AHCTF1: variants seen among roughly 807,000 people sequenced by gnomAD.
AHCTF1 encodes AT-hook containing transcription factor 1, also known as protein ELYS.
Under a neutral mutation model 248.4 loss-of-function variants are expected in AHCTF1, and 24 were observed. That is an observed-to-expected ratio of 0.10 (90% CI 0.07 to 0.14). The LOEUF is 0.14. Ranked by LOEUF, AHCTF1 falls within the 10% of genes least tolerant of loss-of-function variation. The probability of loss-of-function intolerance (pLI) is 1.00; values close to 1 mark genes in which losing one functional copy is unlikely to be tolerated. For missense variants in AHCTF1, 2,206 were observed against 2,636.2 expected (o/e 0.84, Z 3.57); for synonymous variants, 786 against 929.8 (o/e 0.85, Z 2.81).
chr1:246,891,945 G>A (rs147455910), intron 14 of AHCTF1, 26 bp from the exon 15 acceptor site: 3 of 1,563,504 alleles, frequency 1.9e-6, no homozygotes, highest in Non-Finnish European at 2.6e-6. Context: ...GAAAAGATAA[G>A]TTTCCATACA....
chr1:246,877,392 T>C (rs1663053180), intron 21 of AHCTF1, 90 bp from the exon 22 acceptor site: 1 of 1,335,300 alleles, frequency 7.5e-7, no homozygotes, highest in Non-Finnish European at 1.0e-6. Context: ...TCAAAGATAC[T>C]TTGTAAAGTA....
intron 27 of AHCTF1, among the ~76,000 whole-genome samples, chr1:246,862,650 C>T (rs1661654736): frequency 6.6e-6 from 1 of 152,098 alleles, no homozygotes; most frequent in Admixed American, 6.5e-5. Context: ...GTCTACGAAA[C>T]ATAAAACTGC....
At chr1:246,868,670 C>T (rs4971287) in intron 24 of AHCTF1, among the ~76,000 whole-genome samples, 34,223 of 150,512 alleles carry the variant, frequency 0.23, 4,954 homozygotes, top group South Asian at 0.44. Context: ...CATGTGCCTT[C>T]AACTGAAATA....
At chr1:246,925,263 A>C (rs1019219542) in intron 1 of AHCTF1, among the ~76,000 whole-genome samples, 7 of 152,218 alleles carry the variant, frequency 4.6e-5, no homozygotes, top group Non-Finnish European at 7.3e-5. Flanking sequence ...CCTATACTTC[A>C]ATCAAAATCA....
At chr1:246,884,112 CTT>C (rs1186250811) in intron 21 of AHCTF1, among the ~76,000 whole-genome samples, 3 of 152,146 alleles carry the variant, frequency 2.0e-5, no homozygotes, top group Admixed American at 2.0e-4. Flanking sequence ...TACTAGAACT[CTT>C]AACCCATTTA....
At chr1:246,880,183 A>G (rs1463077884) in intron 21 of AHCTF1, among the ~76,000 whole-genome samples, 1 of 151,778 alleles carries the variant, frequency 6.6e-6, no homozygotes, top group Non-Finnish European at 1.5e-5. Flanking sequence ...TAAACACTGA[A>G]GCATGTAAAT....
chr1:246,868,985 CA>C (rs1662297746), intron 24 of AHCTF1, among the ~76,000 whole-genome samples: 1 of 143,002 alleles, frequency 7.0e-6, no homozygotes, highest in Admixed American at 6.9e-5. Context: ...GCTGGGACTA[CA>C]GGCGCCCGCC....
At chr1:246,874,345 C>T (rs566122356) in intron 24 of AHCTF1, among the ~76,000 whole-genome samples, 2 of 152,280 alleles carry the variant, frequency 1.3e-5, no homozygotes, top group Non-Finnish European at 2.9e-5. Context: ...CCCTCTGAGG[C>T]ATGTATTCCT....
intron 14 of AHCTF1, among the ~76,000 whole-genome samples, chr1:246,893,319 T>C (rs1664347963): frequency 6.6e-6 from 1 of 152,236 alleles, no homozygotes; most frequent in Non-Finnish European, 1.5e-5. Flanking sequence ...GAAAGCGCCA[T>C]GTCTTCCTAA....
chr1:246,898,715 T>C (rs1387967974), intron 11 of AHCTF1, among the ~76,000 whole-genome samples: 1 of 152,034 alleles, frequency 6.6e-6, no homozygotes, highest in Admixed American at 6.6e-5. Context: ...AGAGATTTGA[T>C]ATTAAGTATA....
At chr1:246,917,026 G>A (rs1179350835) in intron 2 of AHCTF1, among the ~76,000 whole-genome samples, 2 of 152,172 alleles carry the variant, frequency 1.3e-5, no homozygotes, top group Non-Finnish European at 2.9e-5. Flanking sequence ...ATTTTACCCT[G>A]CCTGCAATGT....
At position 246,918,347 on chromosome 1, in the gene AHCTF1, C is replaced by T. The variant is rs2103229292; in HGVS notation, c.24G>A (p.Val8=). The T allele has an allele frequency of 1.2e-6, 2 of 1,612,108 alleles. No individual in the cohort carries two copies. The highest frequency in any genetic ancestry group is 1.3e-5 in the African/African-American group (1 of 74,946). The change falls in exon 2 of 36, where the codon GTG becomes GTA. Residue 8 remains valine (V), a synonymous_variant. Transcript: ENST00000648844. ...CTGGAAATGGCAGGAGACCACTAGT[C>T]ACTTGAGCTCTTAAGTCTCGCATAC... is the stretch of plus-strand genomic sequence containing the variant. MRDLRAQ[V]TSGLLPFPEV...
rs1220501928 is a variant in AHCTF1, at chr1:246,907,562, G to A, written c.753C>T (p.Ser251=). ...AAAGTTATACTTACTCTCTTTTCAT[G>A]CTTTTCATGTTCCAAAGTGCTAGAT... ...DGYLALWNMK[S]MKREYYIQLE... Residue 251 remains serine, a synonymous_variant, in exon 5 of 36, where the codon AGC becomes AGT. Transcript: ENST00000648844. The A allele has an allele frequency of 1.9e-6, 3 of 1,613,010 alleles. No homozygotes were observed. The South Asian group carries it at 3.3e-5, about 18-fold the overall frequency.
In AHCTF1 at chr1:246,913,134, T is replaced by C. The variant is rs1278596014; in HGVS notation, c.556+98A>G. ...TATAGATAGGAAGATATCTTTTATT[T>C]TACTCCAGCTGCTATAAAAAAATTT... On this transcript the variant is annotated intron_variant, in intron 4 of 35. Coordinates refer to ENST00000648844, the MANE Select transcript of AHCTF1 (RefSeq NM_001323342.2). 3 of 1,020,294 alleles carry C rather than the reference T, an allele frequency of 2.9e-6. No homozygotes were observed. The East Asian group carries it at 8.1e-5, about 28-fold the overall frequency. 63.2% of individuals were successfully genotyped at this position (1,020,294 alleles called of 1,614,324 possible).
chr1:246,860,816 T>C, intron 29 of AHCTF1, 83 bp downstream of exon 29: 1 of 1,525,350 alleles, frequency 6.6e-7, no homozygotes, highest in Non-Finnish European at 8.8e-7. Context: ...TAGGATGCTT[T>C]TCTTATGGTG....
At chr1:246,881,848 A>C (rs77098280) in intron 21 of AHCTF1, among the ~76,000 whole-genome samples, 37,813 of 133,768 alleles carry the variant, frequency 0.28, 5,320 homozygotes, top group East Asian at 0.35. Context: ...AAAAAAAAAA[A>C]CCAAAAAAAA....
At position 246,867,263 on chromosome 1, in the gene AHCTF1, C is replaced by A; in HGVS notation, c.3328G>T (p.Ala1110Ser). 1 of 1,595,986 alleles carries A rather than the reference C, an allele frequency of 6.3e-7. No homozygotes were observed. Among genetic ancestry groups the A allele is most frequent in the African/African-American group, 1.3e-5 (1 of 74,424 alleles). ...TCTTACCTAGAAATTTTTTGTGATGCTTTTGAAATTGGTGTTCCAAAAAAT... is the reference window on the plus strand; with the variant it reads ...TCTTACCTAGAAATTTTTTGTGATGATTTTGAAATTGGTGTTCCAAAAAAT... ...EAFFGTPISK[A>S]SQKISRLLDL... The change falls in exon 26 of 36, where the codon GCA (alanine) becomes TCA (serine). Residue 1110 changes from alanine (A) to serine (S), a missense_variant. Physicochemically the swap from Ala to Ser is moderately conservative, Grantham distance 99 (BLOSUM62 1). Transcript: ENST00000648844.
chr1:246,911,403 C>A (rs554564072), intron 4 of AHCTF1, among the ~76,000 whole-genome samples: 65 of 151,424 alleles, frequency 4.3e-4, no homozygotes, highest in South Asian at 3.3e-3. Flanking sequence ...ATTTAAACTT[C>A]ACATAAAAAT....
Position 246,848,869 on chromosome 1 carries a change from C to G in AHCTF1, c.6391+746G>C, listed in dbSNP as rs926894582. On this transcript the variant is annotated intron_variant, in intron 33 of 35. Transcript: ENST00000648844. ...TACCTCAAACAAACAACACAAACCCCCTACATTTTGTTTACCTAACCATTA... is the reference window on the plus strand; with the variant it reads ...TACCTCAAACAAACAACACAAACCCGCTACATTTTGTTTACCTAACCATTA... Among the ~76,000 whole-genome samples, 16 of 121,542 alleles carry G rather than the reference C, an allele frequency of 1.3e-4. No homozygotes were observed. The South Asian group carries it at 3.4e-3, about 26-fold the overall frequency. 79.7% of individuals were successfully genotyped at this position (121,542 alleles called of 152,430 possible).
Sources: allele counts gnomAD v4.1 joint callset (sites outside exome capture counted in the v4.1 genomes callset), GRCh38; gene constraint gnomAD v4.1.1; transcripts MANE v1.5; gene names NCBI Gene and HGNC (gene_info 2026-07-23, HGNC 2026-07-21).